The following CYSLTR2 variants were observed in gnomAD, a reference collection of about 807,000 sequenced individuals.
CYSLTR2 encodes G-protein coupled receptor GPCR21.
For missense variants in CYSLTR2, 398 were observed against 411.9 expected (o/e 0.97, Z 0.29); for synonymous variants, 179 against 160.8 (o/e 1.11, Z -0.86).
intron 4 of CYSLTR2, chr13:48,706,575 G>C (rs889665988): frequency 2.4e-6 from 1 of 425,190 alleles, no homozygotes; most frequent in East Asian, 4.3e-5. Flanking sequence ...AGTTTGAAGC[G>C]TCAGCTTCAA....
intron 1 of CYSLTR2, among the ~76,000 whole-genome samples, chr13:48,666,887 T>G (rs1050096421): frequency 2.0e-5 from 3 of 152,214 alleles, no homozygotes; most frequent in Non-Finnish European, 4.4e-5. Flanking sequence ...GTTCCTTTAT[T>G]TGCATTTCAT....
chr13:48,703,503 A>G (rs1954403601), intron 4 of CYSLTR2, among the ~76,000 whole-genome samples: 1 of 152,078 alleles, frequency 6.6e-6, no homozygotes, highest in South Asian at 2.1e-4. Context: ...TTACTGCTAT[A>G]TTTCTGAGAG....
rs146863921 is a variant in CYSLTR2 at position 48,673,898 on chromosome 13, C to T, written c.-265-17314C>T. On this transcript the variant is annotated intron_variant, in intron 1 of 4. Transcript: ENST00000682523. ...ACCTGTGAAGCTTATTTTAGCAGGA[C>T]GTGAAATTCCGGGTTGAAAATTCTT... Among the ~76,000 whole-genome samples, 10 of 152,178 alleles carry T rather than the reference C, an allele frequency of 6.6e-5. No homozygotes were observed. In the East Asian group the frequency reaches 1.9e-3, roughly 29 times the overall value.
intron 1 of CYSLTR2, among the ~76,000 whole-genome samples, chr13:48,666,464 T>C (rs1334546515): frequency 6.6e-6 from 1 of 152,182 alleles, no homozygotes; most frequent in Non-Finnish European, 1.5e-5. Context: ...TGGGAAGTTC[T>C]CTGCTATCAT....
At position 48,662,967 on chromosome 13, in the gene CYSLTR2, T is replaced by C. The variant is rs906006929; in HGVS notation, c.-266+8950T>C. Among the ~76,000 whole-genome samples, 75 of 152,174 alleles carry C rather than the reference T, an allele frequency of 4.9e-4. 1 individual carries two copies. The highest frequency in any genetic ancestry group is 2.1e-4 in the Non-Finnish European group (14 of 68,010). ...TGTGTCCCATGTTTCCTTCTAGTAG[T>C]TTTTATCATTTTGGGTCTTATATTT... On this transcript the variant is annotated intron_variant, in intron 1 of 4. Coordinates refer to ENST00000682523, the MANE Select transcript of CYSLTR2 (RefSeq NM_001308476.3).
chr13:48,676,997 T>C (rs971500705), intron 1 of CYSLTR2, among the ~76,000 whole-genome samples: 1 of 152,068 alleles, frequency 6.6e-6, no homozygotes, highest in Non-Finnish European at 1.5e-5. Context: ...TGAGGAAATA[T>C]AGGCAGAGGT....
chr13:48,658,555 G>A (rs935969665), intron 1 of CYSLTR2, among the ~76,000 whole-genome samples: 7 of 152,208 alleles, frequency 4.6e-5, no homozygotes, highest in Admixed American at 4.6e-4. Context: ...GGGATAGACA[G>A]GAGACAACTG....
At chr13:48,680,765 C>T (rs1193463097) in intron 1 of CYSLTR2, among the ~76,000 whole-genome samples, 2 of 147,704 alleles carry the variant, frequency 1.4e-5, no homozygotes, top group South Asian at 2.1e-4. Context: ...ATCTAGCAGA[C>T]GATTTTCTTT....
chr13:48,695,068 A>ATTGTTTTTTTTTTTTTTTT (rs1954136753), intron 3 of CYSLTR2, among the ~76,000 whole-genome samples: 1 of 71,606 alleles, frequency 1.4e-5, no homozygotes, highest in African/African-American at 6.2e-5. Context: ...AGAACCTGGC[A>ATTGTTTTTTTTTTTTTTTT]TTTTTTTTTT....
At chr13:48,680,155 T>C (rs1457139844) in intron 1 of CYSLTR2, among the ~76,000 whole-genome samples, 1 of 152,214 alleles carries the variant, frequency 6.6e-6, no homozygotes, top group Non-Finnish European at 1.5e-5. Context: ...GCGGCTATTC[T>C]GGATTTGTTT....
At chr13:48,700,087 G>A (rs1389980191) in intron 4 of CYSLTR2, among the ~76,000 whole-genome samples, 1 of 152,142 alleles carries the variant, frequency 6.6e-6, no homozygotes, top group Non-Finnish European at 1.5e-5. Context: ...TTCTACCAGA[G>A]GTACAAAGAG....
chr13:48,687,995 A>G (rs895317981), intron 1 of CYSLTR2, among the ~76,000 whole-genome samples: 8 of 152,246 alleles, frequency 5.3e-5, no homozygotes, highest in African/African-American at 1.9e-4. Context: ...GTGAAGTCAA[A>G]CAAGTCCTGC....
At chr13:48,690,270 C>A (rs1456134895) in intron 1 of CYSLTR2, among the ~76,000 whole-genome samples, 3 of 152,062 alleles carry the variant, frequency 2.0e-5, no homozygotes, top group African/African-American at 7.2e-5. Context: ...ATTGTCCTGG[C>A]CAGAACGTCC....
At chr13:48,686,721 G>A (rs140259124) in intron 1 of CYSLTR2, among the ~76,000 whole-genome samples, 141 of 152,286 alleles carry the variant, frequency 9.3e-4, no homozygotes, top group African/African-American at 3.2e-3. Flanking sequence ...GTTATTATCC[G>A]TGACAACTTT....
chr13:48,697,554 G>A (rs1306174209), intron 4 of CYSLTR2, among the ~76,000 whole-genome samples: 21 of 152,140 alleles, frequency 1.4e-4, no homozygotes, highest in Non-Finnish European at 2.9e-4. Flanking sequence ...CCACAAAGAT[G>A]GGGAGAAACC....
chr13:48,678,302 T>G (rs185324490), intron 1 of CYSLTR2, among the ~76,000 whole-genome samples: 6 of 152,252 alleles, frequency 3.9e-5, no homozygotes, highest in African/African-American at 1.4e-4. Context: ...ACCACCGGAC[T>G]GGGTCCACCT....
chr13:48,681,813 G>A (rs540409063), intron 1 of CYSLTR2, among the ~76,000 whole-genome samples: 2 of 152,178 alleles, frequency 1.3e-5, no homozygotes, highest in Non-Finnish European at 2.9e-5. Context: ...TCTTGAGATG[G>A]AACAAGCGGT....
At position 48,675,460 on chromosome 13, in the gene CYSLTR2, C is replaced by T. The variant is rs182395099; in HGVS notation, c.-265-15752C>T. 3.3e-4 allele frequency among the ~76,000 whole-genome samples: 51 copies of T among 152,264 alleles called. No individual in the cohort carries two copies. In the East Asian group the frequency reaches 8.3e-3, roughly 25 times the overall value. On this transcript the variant is annotated intron_variant, in intron 1 of 4. Transcript: ENST00000682523. ...CACTGTGAGGGGAAAACTGCCTACC[C>T]AAGCCTCAGTAATGGTGGACACCCC...
intron 1 of CYSLTR2, among the ~76,000 whole-genome samples, chr13:48,674,558 G>A (rs1445227840): frequency 6.6e-6 from 1 of 152,114 alleles, no homozygotes. Flanking sequence ...CTTGCATTGG[G>A]CTAGAACATG....
Sources: gnomAD v4.1 joint callset for allele counts (sites outside exome capture counted in the v4.1 genomes callset) on GRCh38, gnomAD v4.1.1 for gene constraint, MANE v1.5 for transcripts, NCBI Gene and HGNC (gene_info 2026-07-23, HGNC 2026-07-21) for gene names.